PDLIM5: variants seen among roughly 807,000 people sequenced by gnomAD.
The protein encoded by PDLIM5 is PDZ and LIM domain protein 5.
Under a neutral mutation model 64.2 loss-of-function variants are expected in PDLIM5, and 34 were observed. That is an observed-to-expected ratio of 0.53 (90% CI 0.40 to 0.71). The LOEUF is 0.71. PDLIM5 is among the 30% of genes least tolerant of loss of function. The pLI, the probability that PDLIM5 is intolerant of heterozygous loss-of-function variation, is 0.00. For synonymous variants in PDLIM5, 253 were observed against 269.1 expected, an observed-to-expected ratio of 0.94 and a Z score of 0.59; for missense variants, 683 against 733.6, an observed-to-expected ratio of 0.93 and a Z score of 0.80.
intron 2 of PDLIM5, among the ~76,000 whole-genome samples, chr4:94,458,138 G>C (rs1316664616): frequency 1.3e-5 from 2 of 152,078 alleles, no homozygotes; most frequent in Non-Finnish European, 2.9e-5. Context: ...AATTTATATT[G>C]TGGTAAGATT....
chr4:94,575,901 G>C lies in PDLIM5; in HGVS notation c.577G>C (p.Ala193Pro), dbSNP rs761869114. The C allele has an allele frequency of 6.2e-7, 1 of 1,614,128 alleles. No individual in the cohort carries two copies. Among genetic ancestry groups the C allele is most frequent in the South Asian group, 1.1e-5 (1 of 91,082 alleles). Residue 193 changes from alanine to proline, a missense_variant, in exon 5 of 13, where the codon GCA becomes CCA. Coordinates refer to ENST00000317968, the MANE Select transcript of PDLIM5 (RefSeq NM_006457.5). ...ANLSADQSPS[A>P]LSAGKTAVNV... ...TCTTAGTGCTGACCAGTCTCCATCTGCACTGAGCGCTGGTAAAACTGCAGT... is the reference window on the plus strand; with the variant it reads ...TCTTAGTGCTGACCAGTCTCCATCTCCACTGAGCGCTGGTAAAACTGCAGT...
intron 2 of PDLIM5, among the ~76,000 whole-genome samples, chr4:94,491,826 A>G (rs1316520024): frequency 2.0e-5 from 3 of 152,150 alleles, no homozygotes; most frequent in East Asian, 1.9e-4. Context: ...ATGTTTTGAT[A>G]TATGTAAACA....
At chr4:94,484,217 G>C (rs554539945) in intron 2 of PDLIM5, among the ~76,000 whole-genome samples, 13 of 152,230 alleles carry the variant, frequency 8.5e-5, no homozygotes, top group African/African-American at 3.1e-4. Flanking sequence ...ACAGGACCCG[G>C]CTTCTGGATT....
chr4:94,588,758 G>A (rs1736448816), intron 7 of PDLIM5, among the ~76,000 whole-genome samples: 1 of 152,004 alleles, frequency 6.6e-6, no homozygotes, highest in African/African-American at 2.4e-5. Context: ...ACATTCAAGG[G>A]TCTATTTTTA....
intron 2 of PDLIM5, chr4:94,455,699 A>G: frequency 8.2e-7 from 1 of 1,219,934 alleles, no homozygotes; most frequent in Non-Finnish European, 1.2e-6. Context: ...GTTCTTTCAT[A>G]TATAATTTTC....
intron 2 of PDLIM5, among the ~76,000 whole-genome samples, chr4:94,512,338 T>C (rs904104741): frequency 6.6e-6 from 1 of 152,130 alleles, no homozygotes; most frequent in African/African-American, 2.4e-5. Flanking sequence ...ATTTTTAATG[T>C]TGAGGAGCCT....
At chr4:94,630,534 C>T (rs1011118391) in intron 8 of PDLIM5, among the ~76,000 whole-genome samples, 9 of 151,858 alleles carry the variant, frequency 5.9e-5, no homozygotes, top group Admixed American at 6.6e-5. Flanking sequence ...CCACCATGCC[C>T]GGCTAATTTT....
At position 94,575,924 on chromosome 4, in the gene PDLIM5, A is replaced by T. The variant is rs571923083; in HGVS notation, c.600A>T (p.Ala200=). ...SPSALSAGKT[A]VNVPRQPTVT... ...CTGCACTGAGCGCTGGTAAAACTGC[A>T]GTTAATGTCCCACGGCAGCCCACAG... The change falls in exon 5 of 13, where the codon GCA becomes GCT. Residue 200 remains alanine, a synonymous_variant. Transcript: ENST00000317968. The T allele has an allele frequency of 6.2e-7, 1 of 1,614,162 alleles. No homozygotes were observed. Among genetic ancestry groups the T allele is most frequent in the East Asian group, 2.2e-5 (1 of 44,876 alleles).
chr4:94,477,657 G>A (rs1436586788), intron 2 of PDLIM5, among the ~76,000 whole-genome samples: 1 of 152,142 alleles, frequency 6.6e-6, no homozygotes, highest in Non-Finnish European at 1.5e-5. Flanking sequence ...ATGGTTTTAT[G>A]TATACAGCTG....
intron 5 of PDLIM5, among the ~76,000 whole-genome samples, chr4:94,577,581 CTTTTTTTTTTTTT>C (rs11349007): frequency 1.9e-5 from 2 of 106,858 alleles, no homozygotes; most frequent in African/African-American, 7.1e-5. Context: ...TGGTCGTAAT[CTTTTTTTTTTTTT>C]TTTTTTTTTA....
intron 7 of PDLIM5, among the ~76,000 whole-genome samples, chr4:94,597,240 T>C (rs913261487): frequency 6.6e-6 from 1 of 152,146 alleles, no homozygotes; most frequent in African/African-American, 2.4e-5. Context: ...GTGAGTGAAC[T>C]TGAAGCTTTA....
chr4:94,640,531 G>A, intron 9 of PDLIM5, 81 bp downstream of exon 9: 1 of 816,402 alleles, frequency 1.2e-6, no homozygotes, highest in Non-Finnish European at 1.9e-6. Context: ...TTGGAAGTAT[G>A]TGTAATGTAA....
At chr4:94,660,163 G>T (rs151250675) in intron 11 of PDLIM5, among the ~76,000 whole-genome samples, 1,768 of 152,238 alleles carry the variant, frequency 0.012, 33 homozygotes, top group Non-Finnish European at 0.013. Flanking sequence ...CTCCCAAAGT[G>T]CTGGGATTAC....
intron 3 of PDLIM5, among the ~76,000 whole-genome samples, chr4:94,549,313 T>C (rs1308597668): frequency 6.6e-6 from 1 of 152,226 alleles, no homozygotes; most frequent in Non-Finnish European, 1.5e-5. Context: ...GTATGCATTC[T>C]CATTCTCCTG....
intron 3 of PDLIM5, among the ~76,000 whole-genome samples, chr4:94,564,185 A>G (rs1734088516): frequency 4.6e-5 from 7 of 151,942 alleles, no homozygotes. Flanking sequence ...GGTGGTCTAG[A>G]TCTCCTGACC....
intron 2 of PDLIM5, among the ~76,000 whole-genome samples, chr4:94,520,726 C>A (rs1218534641): frequency 6.6e-6 from 1 of 152,084 alleles, no homozygotes. Context: ...GCTGATCATG[C>A]CCTTAAGTTT....
At chr4:94,630,992 T>G (rs1030687784) in intron 8 of PDLIM5, among the ~76,000 whole-genome samples, 1 of 152,084 alleles carries the variant, frequency 6.6e-6, no homozygotes, top group African/African-American at 2.4e-5. Context: ...ACTGCAACCT[T>G]GAGCTCCTGG....
At chr4:94,587,531 T>A in intron 7 of PDLIM5, 1 of 907,194 alleles carries the variant, frequency 1.1e-6, no homozygotes. Flanking sequence ...ACATTCAAAG[T>A]TGATTGTAAA....
chr4:94,595,835 T>TA (rs1254588035), intron 7 of PDLIM5, among the ~76,000 whole-genome samples: 1 of 152,184 alleles, frequency 6.6e-6, no homozygotes, highest in African/African-American at 2.4e-5. Flanking sequence ...CCTAGCCTGA[T>TA]ATTTGCACAT....
Sources: allele counts gnomAD v4.1 joint callset (sites outside exome capture counted in the v4.1 genomes callset), GRCh38; gene constraint gnomAD v4.1.1; transcripts MANE v1.5; gene names NCBI Gene and HGNC (gene_info 2026-07-23, HGNC 2026-07-21).